TTC28: variants seen among roughly 807,000 people sequenced by gnomAD.
The protein encoded by TTC28 is tetratricopeptide repeat protein 28.
In TTC28, 61 loss-of-function variants were observed where a neutral mutation model predicts 198.0. The ratio of observed to expected loss-of-function variants is 0.31; its 90% CI spans 0.25 to 0.38. TTC28 has a LOEUF of 0.38. TTC28 is among the 10% of genes least tolerant of loss of function. TTC28 has a pLI of 1.00. For missense variants in TTC28, 2,678 were observed against 3,164.0 expected, an observed-to-expected ratio of 0.85 and a Z score of 3.69; for synonymous variants, 1,171 against 1,297.8, an observed-to-expected ratio of 0.90 and a Z score of 2.10.
intron 2 of TTC28, among the ~76,000 whole-genome samples, chr22:28,536,214 A>T (rs1989473): frequency 0.22 from 31,701 of 144,310 alleles, 3,768 homozygotes; most frequent in Non-Finnish European, 0.23. Flanking sequence ...AAAAAAAAAA[A>T]AAAAAACATA....
rs534489039 is a variant in TTC28 at position 28,039,666 on chromosome 22, T to TA, written c.3933-9301dup. On this transcript the variant is annotated intron_variant, in intron 12 of 22. Transcript: ENST00000397906. ...CACATGTACCCTAAAACTTAAAGTA[T>TA]AAAAAAAAGAACTAGAGAAGGAAGA... Among the ~76,000 whole-genome samples, 34 of 151,320 alleles carry TA rather than the reference T, an allele frequency of 2.2e-4. 1 individual carries two copies. In the South Asian group the frequency reaches 6.3e-3, roughly 28 times the overall value.
intron 5 of TTC28, among the ~76,000 whole-genome samples, chr22:28,235,258 G>C (rs1329405459): frequency 6.6e-6 from 1 of 152,158 alleles, no homozygotes; most frequent in Admixed American, 6.6e-5. Flanking sequence ...AGAGACCAGA[G>C]AAGAAAGTAA....
At chr22:28,042,703 T>C (rs1388425462) in intron 12 of TTC28, among the ~76,000 whole-genome samples, 3 of 151,170 alleles carry the variant, frequency 2.0e-5, no homozygotes, top group Non-Finnish European at 2.9e-5. Flanking sequence ...GTTGTGCACA[T>C]GTACCCTAGA....
intron 6 of TTC28, among the ~76,000 whole-genome samples, chr22:28,113,946 G>GT (rs1942560940): frequency 6.6e-6 from 1 of 152,194 alleles, no homozygotes; most frequent in African/African-American, 2.4e-5. Context: ...TGACGTGGAT[G>GT]TTTAAGTCCA....
At chr22:28,017,100 G>A (rs193107835) in intron 13 of TTC28, among the ~76,000 whole-genome samples, 40 of 152,346 alleles carry the variant, frequency 2.6e-4, no homozygotes, top group African/African-American at 8.7e-4. Context: ...GTCATCTAGG[G>A]GCAGGGAGTG....
intron 2 of TTC28, among the ~76,000 whole-genome samples, chr22:28,528,130 T>A (rs752708862): frequency 6.6e-6 from 1 of 152,110 alleles, no homozygotes; most frequent in African/African-American, 2.4e-5. Flanking sequence ...AGCAATGGGG[T>A]AGAATGAAAA....
intron 1 of TTC28, among the ~76,000 whole-genome samples, chr22:28,671,690 T>TC (rs1351189134): frequency 6.7e-6 from 1 of 149,688 alleles, no homozygotes; most frequent in African/African-American, 2.4e-5. Flanking sequence ...TTCATTTTTT[T>TC]TTTGAGACAG....
chr22:28,580,580 T>C (rs1199165239), intron 2 of TTC28, among the ~76,000 whole-genome samples: 1 of 152,194 alleles, frequency 6.6e-6, no homozygotes, highest in African/African-American at 2.4e-5. Flanking sequence ...AACATAGCTA[T>C]ATTTAAAGTA....
chr22:28,014,876 G>A (rs1455357076), intron 13 of TTC28, among the ~76,000 whole-genome samples: 1 of 152,222 alleles, frequency 6.6e-6, no homozygotes, highest in Non-Finnish European at 1.5e-5. Context: ...GCCCCAGCAC[G>A]GGCTCTGTGG....
intron 5 of TTC28, among the ~76,000 whole-genome samples, chr22:28,212,575 A>T (rs1927079592): frequency 8.9e-6 from 1 of 112,318 alleles, no homozygotes; most frequent in African/African-American, 3.1e-5. Flanking sequence ...AGACTAAAAC[A>T]AGATAAGAAG....
At chr22:28,339,730 A>C (rs1304019610) in intron 2 of TTC28, among the ~76,000 whole-genome samples, 1 of 152,016 alleles carries the variant, frequency 6.6e-6, no homozygotes, top group Non-Finnish European at 1.5e-5. Context: ...GTTTGCTAAG[A>C]CCGTTGGAAA....
Position 27,981,997 on chromosome 22 carries a change from C to T in TTC28, c.*224G>A, listed in dbSNP as rs1937036449. ...TGAAGTGTGTAGGAAATTCCATGAG[C>T]CTCCTGTACCAGCCCCACAGAAGTC... On this transcript the variant is annotated 3_prime_UTR_variant, in exon 23 of 23. Transcript: ENST00000397906. 6.9e-6 allele frequency: 3 copies of T among 435,846 alleles called. No individual in the cohort carries two copies. In the East Asian group the frequency reaches 1.0e-4, roughly 15 times the overall value. 27.0% of individuals were successfully genotyped at this position (435,846 alleles called of 1,614,324 possible).
At chr22:28,653,717 C>G (rs951262049) in intron 1 of TTC28, among the ~76,000 whole-genome samples, 1 of 152,154 alleles carries the variant, frequency 6.6e-6, no homozygotes, top group Non-Finnish European at 1.5e-5. Flanking sequence ...CCTTCCCATA[C>G]TAGGTATATA....
At chr22:28,603,177 C>A (rs963361178) in intron 2 of TTC28, among the ~76,000 whole-genome samples, 1 of 152,098 alleles carries the variant, frequency 6.6e-6, no homozygotes, top group Non-Finnish European at 1.5e-5. Context: ...CCGTGCCTGG[C>A]CCCTAACTTT....
chr22:28,222,381 C>A (rs142013165), intron 5 of TTC28, among the ~76,000 whole-genome samples: 11 of 152,296 alleles, frequency 7.2e-5, no homozygotes, highest in African/African-American at 2.6e-4. Context: ...CTACACGACC[C>A]GAAGGTGATT....
intron 5 of TTC28, among the ~76,000 whole-genome samples, chr22:28,279,140 A>ATCCATAG (rs1214444680): frequency 6.6e-6 from 1 of 152,170 alleles, no homozygotes. Flanking sequence ...GAATAACATA[A>ATCCATAG]TCCATAGTAA....
intron 6 of TTC28, among the ~76,000 whole-genome samples, chr22:28,126,431 T>C (rs1003742380): frequency 6.6e-6 from 1 of 152,210 alleles, no homozygotes; most frequent in African/African-American, 2.4e-5. Context: ...CTCTCTACAA[T>C]GGTTCACTTA....
intron 2 of TTC28, among the ~76,000 whole-genome samples, chr22:28,498,139 TAA>T (rs544196151): frequency 4.8e-4 from 67 of 139,214 alleles, no homozygotes; most frequent in Non-Finnish European, 4.1e-4. Context: ...AGCCTTCCGT[TAA>T]AAAAAAAAAA....
At chr22:28,524,253 C>A (rs548590532) in intron 2 of TTC28, among the ~76,000 whole-genome samples, 20 of 151,468 alleles carry the variant, frequency 1.3e-4, no homozygotes, top group Admixed American at 1.2e-3. Context: ...GTCAGGAGAT[C>A]GAGACCATCC....
Sources: allele counts gnomAD v4.1 joint callset (sites outside exome capture counted in the v4.1 genomes callset), GRCh38; gene constraint gnomAD v4.1.1; transcripts MANE v1.5; gene names NCBI Gene and HGNC (gene_info 2026-07-23, HGNC 2026-07-21).